GRIP2: variants seen among roughly 807,000 people sequenced by gnomAD.
GRIP2 encodes the protein glutamate receptor interacting protein 2, also known as glutamate receptor-interacting protein 2.
In GRIP2, 58 loss-of-function variants were observed where a neutral mutation model predicts 108.3. The observed-to-expected ratio is 0.54, with a 90% CI of 0.43 to 0.67. The LOEUF (loss-of-function observed/expected upper bound fraction) is 0.67, where lower values mean the gene tolerates loss of function less well. Ranked by LOEUF, GRIP2 falls within the 30% of genes least tolerant of loss-of-function variation. The probability of loss-of-function intolerance (pLI) is 0.00; values close to 1 mark genes in which losing one functional copy is unlikely to be tolerated. For synonymous variants in GRIP2, 586 were observed against 598.2 expected (o/e 0.98, Z 0.30); for missense variants, 1,278 against 1,430.6 (o/e 0.89, Z 1.72).
At chr3:14,517,243 C>T in intron 10 of GRIP2, 30 bp from the exon 11 acceptor site, 1 of 1,501,062 alleles carries the variant, frequency 6.7e-7, no homozygotes, top group Non-Finnish European at 8.9e-7. Context: ...GCCCCGTGAA[C>T]CCCAGCCGAG....
At chr3:14,551,358 G>A (rs993242657) in intron 1 of GRIP2, among the ~76,000 whole-genome samples, 3 of 152,352 alleles carry the variant, frequency 2.0e-5, no homozygotes, top group Admixed American at 1.3e-4. Context: ...GCACAAGCAA[G>A]GCCAATGTGC....
At chr3:14,551,309 T>G (rs1295116258) in intron 1 of GRIP2, among the ~76,000 whole-genome samples, 2 of 152,176 alleles carry the variant, frequency 1.3e-5, no homozygotes, top group Non-Finnish European at 2.9e-5. Flanking sequence ...TGCCCGGACC[T>G]GAGCTGAAGA....
At chr3:14,524,919 A>G (rs971100783) in intron 3 of GRIP2, among the ~76,000 whole-genome samples, 7 of 152,198 alleles carry the variant, frequency 4.6e-5, no homozygotes, top group Admixed American at 4.6e-4. Context: ...TGTGAGGCCC[A>G]GGGAGGCAGT....
intron 1 of GRIP2, among the ~76,000 whole-genome samples, chr3:14,537,407 A>C (rs1195232671): frequency 5.9e-5 from 9 of 152,146 alleles, no homozygotes; most frequent in African/African-American, 2.2e-4. Context: ...AACACCATCT[A>C]AATATTTACG....
the GRIP2 span, among the ~76,000 whole-genome samples, chr3:14,596,324 G>A: frequency 7.2e-5 from 11 of 152,354 alleles, no homozygotes; most frequent in African/African-American, 2.2e-4. Flanking sequence ...AAAAGGGAGT[G>A]CGTTTGACCC....
At position 14,539,398 on chromosome 3, in the gene GRIP2, C is replaced by A. The variant is rs116601870; in HGVS notation, c.40+871G>T. 4.1e-3 allele frequency among the ~76,000 whole-genome samples: 618 copies of A among 152,234 alleles called. 2 individuals carry two copies. The highest frequency in any genetic ancestry group is 0.01 in the Middle Eastern group (3 of 294). On this transcript the variant is annotated intron_variant, in intron 1 of 23. Coordinates refer to ENST00000621039, the MANE Select transcript of GRIP2 (RefSeq NM_001080423.4). ...GAGGTGGGAATCAAAGTCCACTGGG[C>A]CCTCAGAAGCAGGGCTGGGGGCTCT...
chr3:14,555,189 G>C (rs1299305255), intron 1 of GRIP2, among the ~76,000 whole-genome samples: 1 of 152,110 alleles, frequency 6.6e-6, no homozygotes, highest in African/African-American at 2.4e-5. Flanking sequence ...TCAGCACAGA[G>C]AGTCTTGCCC....
At chr3:14,597,684 G>A in the GRIP2 span, among the ~76,000 whole-genome samples, 1 of 152,170 alleles carries the variant, frequency 6.6e-6, no homozygotes, top group Non-Finnish European at 1.5e-5. Flanking sequence ...TTAGAGTGTA[G>A]ATTCCTTGTC....
chr3:14,555,231 G>C (rs1695217435), intron 1 of GRIP2, among the ~76,000 whole-genome samples: 1 of 152,118 alleles, frequency 6.6e-6, no homozygotes, highest in South Asian at 2.1e-4. Context: ...ATGTCCCCCT[G>C]TCCCAACTCC....
At chr3:14,563,236 A>G in the GRIP2 span, among the ~76,000 whole-genome samples, 10 of 152,172 alleles carry the variant, frequency 6.6e-5, no homozygotes, top group Admixed American at 4.6e-4. Context: ...TTGTAATTAG[A>G]GTTGAGAAAA....
chr3:14,494,550 C>G (rs1366652754), intron 23 of GRIP2, among the ~76,000 whole-genome samples: 5 of 152,244 alleles, frequency 3.3e-5, no homozygotes, highest in Non-Finnish European at 7.3e-5. Context: ...GCTGTGGAGT[C>G]TGAGGAGGCC....
chr3:14,537,451 C>T, intron 1 of GRIP2, among the ~76,000 whole-genome samples: 1 of 152,256 alleles, frequency 6.6e-6, no homozygotes, highest in East Asian at 1.9e-4. Context: ...TCCAGGGGGC[C>T]GGGCTTCTGT....
chr3:14,505,856 C>A lies in GRIP2; in HGVS notation c.2399-67G>T. ...CCTTGCCCTCCTGCCTGCCCCATTT[C>A]CAGCTGTGCTGAGTGACCCTGGGGA... On this transcript the variant is annotated intron_variant, in intron 19 of 23. Coordinates refer to ENST00000621039, the MANE Select transcript of GRIP2 (RefSeq NM_001080423.4). This position sits in a 1 kb window ranked among gnomAD's most constrained non-coding sequence, Gnocchi z 4.2. 7.0e-7 allele frequency: 1 copy of A among 1,422,274 alleles called. No individual in the cohort carries two copies. 88.1% of individuals were successfully genotyped at this position (1,422,274 alleles called of 1,614,324 possible). A position where few individuals can be genotyped will look rare whatever the true frequency, so the allele number is the denominator to read the frequency against.
upstream of GRIP2, among the ~76,000 whole-genome samples, chr3:14,557,664 G>A (rs868741689): frequency 2.6e-5 from 4 of 152,354 alleles, no homozygotes; most frequent in South Asian, 2.1e-4. Flanking sequence ...TGAGGACAGC[G>A]TGAGGGCTGC....
At chr3:14,508,990 A>C (rs929666073) in intron 17 of GRIP2, among the ~76,000 whole-genome samples, 10 of 152,204 alleles carry the variant, frequency 6.6e-5, no homozygotes, top group East Asian at 5.8e-4. Context: ...CCAGGCACAC[A>C]GCAGGTGCCC....
chr3:14,601,854 G>C, the GRIP2 span, among the ~76,000 whole-genome samples: 1 of 152,240 alleles, frequency 6.6e-6, no homozygotes, highest in African/African-American at 2.4e-5. Flanking sequence ...ACTGGAAGAA[G>C]GTGGGAGGCC....
chr3:14,561,069 G>C (rs1379028827), upstream of GRIP2, among the ~76,000 whole-genome samples: 1 of 152,196 alleles, frequency 6.6e-6, no homozygotes, highest in Non-Finnish European at 1.5e-5. Flanking sequence ...GGGAGGCTTG[G>C]GGTCCTAGGT....
chr3:14,493,824 GA>G lies in GRIP2; in HGVS notation c.2972del (p.Val991AlafsTer27). On this transcript the variant is annotated frameshift_variant and splice_region_variant, in exon 24 of 24. Coordinates refer to ENST00000621039, the MANE Select transcript of GRIP2 (RefSeq NM_001080423.4). LOFTEE classifies it high-confidence loss of function. Reference sequence around the variant, plus strand: ...CGAAGTCCCGTGTACGGACGTGGTTGACCTGCATGGGGCACAAGCAAGGGAA... The same window carrying G: ...CGAAGTCCCGTGTACGGACGTGGTTGCCTGCATGGGGCACAAGCAAGGGAA... ...GLQPFDRVLQ[V>X]NHVRTRDFDC... The G allele has an allele frequency of 2.5e-6, 4 of 1,611,054 alleles. No individual in the cohort carries two copies. The highest frequency in any genetic ancestry group is 3.4e-6 in the Non-Finnish European group (4 of 1,177,920).
intron 23 of GRIP2, among the ~76,000 whole-genome samples, chr3:14,494,115 A>C (rs1289541823): frequency 1.3e-5 from 2 of 152,220 alleles, no homozygotes; most frequent in Non-Finnish European, 2.9e-5. Flanking sequence ...ACACACTCAG[A>C]GAGCCTCCTG....
Sources: allele counts gnomAD v4.1 joint callset (sites outside exome capture counted in the v4.1 genomes callset), GRCh38; gene constraint gnomAD v4.1.1; non-coding constraint Gnocchi (gnomAD v3.1); transcripts MANE v1.5; gene names NCBI Gene and HGNC (gene_info 2026-07-23, HGNC 2026-07-21).